Variants in KLF5 observed in about 807,000 individuals in gnomAD.
The protein encoded by KLF5 is KLF transcription factor 5, also known as Krueppel-like factor 5.
A neutral mutation model predicts 36.9 loss-of-function variants in KLF5; 9 were observed. The ratio of observed to expected loss-of-function variants is 0.24; its 90% CI spans 0.15 to 0.43. The LOEUF (loss-of-function observed/expected upper bound fraction) is 0.43. Ranked by LOEUF, KLF5 falls within the 20% of genes least tolerant of loss-of-function variation. The probability of loss-of-function intolerance (pLI) is 1.00; values close to 1 mark genes in which losing one functional copy is unlikely to be tolerated. For missense variants in KLF5, 524 were observed against 599.5 expected (o/e 0.87, Z 1.31); for synonymous variants, 246 against 241.7 (o/e 1.02, Z -0.17).
Position 73,059,325 on chromosome 13 carries a change from C to T in KLF5, c.-3C>T, listed in dbSNP as rs1336803436. On this transcript the variant is annotated 5_prime_UTR_variant, in exon 1 of 4. Transcript: ENST00000377687. ...GCGCCTGGAGCTGCGCCCCCGAGTG[C>T]CCATGGCTACAAGGGTGCTGAGCAT... The T allele has an allele frequency of 1.4e-6, 2 of 1,389,902 alleles. No individual in the cohort carries two copies. The highest frequency in any genetic ancestry group is 3.2e-5 in the Admixed American group (1 of 31,744). 86.1% of individuals were successfully genotyped at this position (1,389,902 alleles called of 1,614,324 possible). A position where few individuals can be genotyped will look rare whatever the true frequency, so the allele number is the denominator to read the frequency against.
chr13:73,059,395 A>T lies in KLF5; in HGVS notation c.68A>T (p.Asp23Val). The T allele has an allele frequency of 7.1e-7, 1 of 1,400,316 alleles. No homozygotes were observed. Among genetic ancestry groups the T allele is most frequent in the Non-Finnish European group, 9.3e-7 (1 of 1,078,082 alleles). 86.7% of individuals were successfully genotyped at this position (1,400,316 alleles called of 1,614,324 possible). A position where few individuals can be genotyped will look rare whatever the true frequency, so the allele number is the denominator to read the frequency against. The change falls in exon 1 of 4, where the codon GAC becomes GTC. Residue 23 changes from aspartate (D) to valine (V), a missense_variant. Asp to Val is a radical substitution (Grantham distance 152, BLOSUM62 -3). Coordinates refer to ENST00000377687, the MANE Select transcript of KLF5 (RefSeq NM_001730.5). ...GTGCCCCAGCCGCCGGCGCCGCAGG[A>T]CGAGCCGGTGTTCGCGCAGCTCAAG... ...GPVPQPPAPQ[D>V]EPVFAQLKPV...
intron 1 of KLF5, among the ~76,000 whole-genome samples, chr13:73,060,184 G>A (rs1029122572): frequency 1.3e-5 from 2 of 149,532 alleles, no homozygotes; most frequent in East Asian, 1.9e-4. Context: ...AAAAAAGACC[G>A]GGGGTGTTGT....
chr13:73,059,389 C>T lies in KLF5; in HGVS notation c.62C>T (p.Pro21Leu). ...GGACCCGTGCCCCAGCCGCCGGCGC[C>T]GCAGGACGAGCCGGTGTTCGCGCAG... The part of the protein sequence containing the change: ...RLGPVPQPPA[P>L]QDEPVFAQLK... Residue 21 changes from proline to leucine, a missense_variant, in exon 1 of 4, where the codon CCG becomes CTG. Coordinates refer to ENST00000377687, the MANE Select transcript of KLF5 (RefSeq NM_001730.5). 2.1e-6 allele frequency: 3 copies of T among 1,403,450 alleles called. No individual in the cohort carries two copies. Among genetic ancestry groups the T allele is most frequent in the Non-Finnish European group, 2.8e-6 (3 of 1,079,248 alleles). 86.9% of individuals were successfully genotyped at this position (1,403,450 alleles called of 1,614,324 possible).
At chr13:73,059,738 C>A (rs1465287326) in intron 1 of KLF5, 150 bp downstream of exon 1, 2 of 787,528 alleles carry the variant, frequency 2.5e-6, no homozygotes, top group Non-Finnish European at 3.1e-6. Context: ...CCGCCCTGCA[C>A]GCCTGGCCGG....
chr13:73,060,709 CTG>C (rs1249365034), intron 1 of KLF5: 1 of 152,196 alleles, frequency 6.6e-6, no homozygotes, highest in Non-Finnish European at 1.5e-5. Context: ...CAGAAAATGA[CTG>C]TCTTATTTAC....
At chr13:73,065,676 T>C (rs2044673519) in intron 3 of KLF5, among the ~76,000 whole-genome samples, 1 of 152,200 alleles carries the variant, frequency 6.6e-6, no homozygotes, top group South Asian at 2.1e-4. Flanking sequence ...AAAATGTCCT[T>C]TTACAGAATA....
At chr13:73,065,908 C>A (rs892635375) in intron 3 of KLF5, among the ~76,000 whole-genome samples, 1 of 152,130 alleles carries the variant, frequency 6.6e-6, no homozygotes, top group Non-Finnish European at 1.5e-5. Context: ...CTTATACCTG[C>A]GATTCAGGAA....
rs1049238023 is a variant in KLF5, at chr13:73,059,489, G to A, written c.162G>A (p.Ala54=). 56 of 1,243,034 alleles carry A rather than the reference G, an allele frequency of 4.5e-5. No individual in the cohort carries two copies. The African/African-American group carries it at 8.5e-4, about 19-fold the overall frequency. 77.0% of individuals were successfully genotyped at this position (1,243,034 alleles called of 1,614,324 possible). A position where few individuals can be genotyped will look rare whatever the true frequency, so the allele number is the denominator to read the frequency against. Residue 54 remains alanine (A), a synonymous_variant, in exon 1 of 4, where the codon GCG becomes GCA. Transcript: ENST00000377687. ...ALFPGEELKH[A]HHRPQAQPAP... ...TCCCCGGCGAGGAGCTGAAGCACGC[G>A]CACCACCGCCCGCAGGCGCAGCCCG...
At chr13:73,056,614 T>C (rs1447073025), upstream of KLF5, among the ~76,000 whole-genome samples, 5 of 152,254 alleles carry the variant, frequency 3.3e-5, no homozygotes, top group African/African-American at 1.2e-4. Flanking sequence ...ACATGTTCTT[T>C]ATATGTTCAG....
chr13:73,069,416 C>G (rs1252407949), intron 3 of KLF5, among the ~76,000 whole-genome samples: 1 of 152,180 alleles, frequency 6.6e-6, no homozygotes, highest in East Asian at 1.9e-4. Context: ...TTTTTTGAGT[C>G]TCTATTTGAA....
At chr13:73,071,058 A>G (rs1218949944) in intron 3 of KLF5, among the ~76,000 whole-genome samples, 2 of 152,202 alleles carry the variant, frequency 1.3e-5, no homozygotes, top group Non-Finnish European at 2.9e-5. Context: ...GGAATAGAAG[A>G]TAGTCTCTGC....
Position 73,062,102 on chromosome 13 carries a change from T to G in KLF5, c.503T>G (p.Ile168Ser). ...CACATCAAGACAGAACCTGTTGCCATTTTCAGCCACCAGAGTGAAACGACT... is the reference window on the plus strand; with the variant it reads ...CACATCAAGACAGAACCTGTTGCCAGTTTCAGCCACCAGAGTGAAACGACT... ...VTHIKTEPVAIFSHQSETTAP... is the reference protein window; with the variant it reads ...VTHIKTEPVASFSHQSETTAP... The change falls in exon 2 of 4, where the codon ATT becomes AGT. Residue 168 changes from isoleucine (I) to serine (S), a missense_variant. By Grantham distance (142) the Ile-to-Ser change is moderately radical (BLOSUM62 -2). This residue lies in a region of KLF5 where 454 missense variants were observed against 458.1 expected (regional missense o/e 0.99). Transcript: ENST00000377687. 1 of 1,614,046 alleles carries G rather than the reference T, an allele frequency of 6.2e-7. No individual in the cohort carries two copies. The highest frequency in any genetic ancestry group is 8.5e-7 in the Non-Finnish European group (1 of 1,180,022).
Position 73,077,081 on chromosome 13 carries a change from GTGATGC to G in KLF5, c.*1204_*1209del, listed in dbSNP as rs537190079. 316 of 152,722 alleles carry G rather than the reference GTGATGC, an allele frequency of 2.1e-3. 1 individual carries two copies. Among genetic ancestry groups the G allele is most frequent in the African/African-American group, 6.2e-3 (256 of 41,558 alleles). 9.5% of individuals were successfully genotyped at this position (152,722 alleles called of 1,614,324 possible). On this transcript the variant is annotated 3_prime_UTR_variant, in exon 4 of 4. Transcript: ENST00000377687. ...CATATATGCAATATAAAATAGTAAT[GTGATGC>G]TGATGCTGTTAACCAAAGGGCAGAA...
chr13:73,066,990 G>A (rs905774109), intron 3 of KLF5, among the ~76,000 whole-genome samples: 17 of 152,126 alleles, frequency 1.1e-4, no homozygotes, highest in Non-Finnish European at 7.3e-5. Context: ...TTATAGATGT[G>A]GATGTTCGCA....
At chr13:73,071,098 A>G (rs1594398009) in intron 3 of KLF5, among the ~76,000 whole-genome samples, 1 of 152,222 alleles carries the variant, frequency 6.6e-6, no homozygotes, top group East Asian at 1.9e-4. Flanking sequence ...CTAGTTAAGG[A>G]GGCAAAATAC....
intron 2 of KLF5, 61 bp downstream of exon 2, chr13:73,062,795 G>T: frequency 8.3e-7 from 1 of 1,204,168 alleles, no homozygotes; most frequent in Non-Finnish European, 1.2e-6. Flanking sequence ...GTGTGTCTGT[G>T]TGCGCGCGCG....
At chr13:73,062,860 G>T in intron 2 of KLF5, 126 bp downstream of exon 2, 27 of 686,496 alleles carry the variant, frequency 3.9e-5, no homozygotes, top group South Asian at 1.2e-4. Context: ...AAATAGGAAA[G>T]TTGTACTTGA....
At chr13:73,069,489 T>G (rs1230447819) in intron 3 of KLF5, among the ~76,000 whole-genome samples, 1 of 152,204 alleles carries the variant, frequency 6.6e-6, no homozygotes, top group Non-Finnish European at 1.5e-5. Context: ...TAAACATTCT[T>G]TTCATTCTTT....
In KLF5 at chr13:73,062,427, A is replaced by C; in HGVS notation, c.828A>C (p.Lys276Asn). 3.1e-6 allele frequency: 5 copies of C among 1,614,184 alleles called. No homozygotes were observed. Among genetic ancestry groups the C allele is most frequent in the Non-Finnish European group, 4.2e-6 (5 of 1,180,036 alleles). Reference protein sequence around the residue: ...HTSAVPQTAVKQFQGMPPCTY... With the variant: ...HTSAVPQTAVNQFQGMPPCTY... ...CTGCTGTTCCGCAGACTGCAGTGAA[A>C]CAATTCCAGGGCATGCCCCCTTGCA... The change falls in exon 2 of 4, where the codon AAA becomes AAC. Residue 276 changes from lysine (K) to asparagine (N), a missense_variant. Physicochemically the swap from Lys to Asn is moderately conservative, Grantham distance 94. Transcript: ENST00000377687.
Sources: allele counts gnomAD v4.1 joint callset (sites outside exome capture counted in the v4.1 genomes callset), GRCh38; gene constraint gnomAD v4.1.1; regional missense constraint gnomAD v4.1.1; transcripts MANE v1.5; gene names NCBI Gene and HGNC (gene_info 2026-07-23, HGNC 2026-07-21).